Variants in ZNF786 observed in about 807,000 individuals in gnomAD.
The protein encoded by ZNF786 is zinc finger protein 786.
A neutral mutation model predicts 63.1 loss-of-function variants in ZNF786; 56 were observed. The ratio of observed to expected loss-of-function variants is 0.89; its 90% CI spans 0.72 to 1.11. ZNF786 has a LOEUF of 1.11. Ranked by LOEUF, ZNF786 falls within the 50% of genes least tolerant of loss-of-function variation. ZNF786 has a pLI of 0.00. For missense variants in ZNF786, 1,213 were observed against 1,041.8 expected (o/e 1.16, Z -2.26); for synonymous variants, 485 against 406.9 (o/e 1.19, Z -2.31).
chr7:149,078,236 ATTC>A (rs1316778057), intron 2 of ZNF786, among the ~76,000 whole-genome samples: 1 of 152,184 alleles, frequency 6.6e-6, no homozygotes, highest in Non-Finnish European at 1.5e-5. Context: ...TGCTTGGAAC[ATTC>A]TTATTAGGCT....
chr7:149,082,499 C>T (rs1825668244), intron 1 of ZNF786: 2 of 907,212 alleles, frequency 2.2e-6, no homozygotes, highest in South Asian at 1.1e-4. Context: ...CATAAGCATA[C>T]ATCCCACCTT....
intron 2 of ZNF786, among the ~76,000 whole-genome samples, chr7:149,075,459 C>T (rs534933293): frequency 7.9e-5 from 12 of 151,900 alleles, no homozygotes; most frequent in Middle Eastern, 3.4e-3. Context: ...CCCAGGCTAA[C>T]CTCAAACTCC....
chr7:149,081,691 G>A (rs915617681), intron 1 of ZNF786, among the ~76,000 whole-genome samples: 1 of 152,012 alleles, frequency 6.6e-6, no homozygotes, highest in African/African-American at 2.4e-5. Context: ...TTTTGCCAAT[G>A]TGGGGCGGCA....
chr7:149,089,643 T>C (rs1416127470), intron 1 of ZNF786, among the ~76,000 whole-genome samples: 6 of 149,836 alleles, frequency 4.0e-5, no homozygotes, highest in African/African-American at 1.5e-4. Context: ...TAAAATCCAT[T>C]CTTTTACTCA....
At position 149,071,657 on chromosome 7, in the gene ZNF786, G is replaced by A. The variant is rs766540618; in HGVS notation, c.1115C>T (p.Ser372Leu). The change falls in exon 4 of 4, where the codon TCG becomes TTG. Residue 372 changes from serine to leucine, a missense_variant. Ser to Leu is a moderately radical substitution (Grantham distance 145). Coordinates refer to ENST00000491431, the MANE Select transcript of ZNF786 (RefSeq NM_152411.4). Reference sequence around the variant, plus strand: ...CATAGGGGAGCGCTCGCCACACTCCGAGCAGGAGCAGGGCCCCTCTGCGCC... The same window carrying A: ...CATAGGGGAGCGCTCGCCACACTCCAAGCAGGAGCAGGGCCCCTCTGCGCC... ...QHGAEGPCSC[S>L]ECGERSPMSA... 5 of 1,567,764 alleles carry A rather than the reference G, an allele frequency of 3.2e-6. No homozygotes were observed. The highest frequency in any genetic ancestry group is 1.3e-5 in the African/African-American group (1 of 74,112).
At chr7:149,078,127 T>C (rs1420809521) in intron 2 of ZNF786, among the ~76,000 whole-genome samples, 1 of 151,672 alleles carries the variant, frequency 6.6e-6, no homozygotes, top group Non-Finnish European at 1.5e-5. Context: ...CCTCCAAAAG[T>C]GCTGGGATTA....
chr7:149,081,169 G>A (rs1825644172), intron 1 of ZNF786: 2 of 456,178 alleles, frequency 4.4e-6, no homozygotes, highest in African/African-American at 4.0e-5. Context: ...CAGGCGCAGT[G>A]GGTCATGCCT....
chr7:149,083,527 TA>T (rs1825684875), intron 1 of ZNF786, among the ~76,000 whole-genome samples: 3 of 146,806 alleles, frequency 2.0e-5, no homozygotes, highest in African/African-American at 8.3e-5. Flanking sequence ...AGTTTATTTT[TA>T]TTTATTTATT....
At chr7:149,090,511 C>T (rs890153875) in intron 1 of ZNF786, 112 bp downstream of exon 1, 6 of 1,228,042 alleles carry the variant, frequency 4.9e-6, no homozygotes, top group African/African-American at 3.1e-5. Flanking sequence ...CAGACTCCGT[C>T]CTACCCGTGC....
chr7:149,070,245 G>T lies in ZNF786; in HGVS notation c.*178C>A. On this transcript the variant is annotated 3_prime_UTR_variant, in exon 4 of 4. Transcript: ENST00000491431. Reference sequence around the variant, plus strand: ...AAAAAAAAAGAAAGAAATATAATTGGTGATGCTTCTGAAGAGAAAATCCTT... The same window carrying T: ...AAAAAAAAAGAAAGAAATATAATTGTTGATGCTTCTGAAGAGAAAATCCTT... 3 of 756,000 alleles carry T rather than the reference G, an allele frequency of 4.0e-6. No homozygotes were observed. The highest frequency in any genetic ancestry group is 1.7e-5 in the African/African-American group (1 of 57,446). The allele number at this position is 756,000 out of a possible 1,614,324, so 46.8% of individuals were successfully genotyped here. A position where few individuals can be genotyped will look rare whatever the true frequency, so the allele number is the denominator to read the frequency against.
intron 1 of ZNF786, 55 bp downstream of exon 1, chr7:149,090,568 C>A: frequency 1.3e-6 from 2 of 1,530,870 alleles, no homozygotes; most frequent in Non-Finnish European, 1.8e-6. Context: ...AGCCCGGAAC[C>A]CGAGGACCCA....
intron 1 of ZNF786, among the ~76,000 whole-genome samples, chr7:149,083,071 T>C (rs1392249335): frequency 1.3e-5 from 2 of 150,926 alleles, no homozygotes; most frequent in Admixed American, 1.3e-4. Context: ...AATTTTTTTG[T>C]ATTTTTAGTA....
At chr7:149,073,747 G>GTGTGTATGTATA (rs1447329296) in intron 3 of ZNF786, among the ~76,000 whole-genome samples, 1 of 77,602 alleles carries the variant, frequency 1.3e-5, no homozygotes, top group Non-Finnish European at 2.5e-5. Flanking sequence ...GTGTGTGTGT[G>GTGTGTATGTATA]TATATATATA....
At chr7:149,076,335 G>C (rs991377028) in intron 2 of ZNF786, among the ~76,000 whole-genome samples, 9 of 150,756 alleles carry the variant, frequency 6.0e-5, no homozygotes, top group African/African-American at 1.7e-4. Flanking sequence ...GGCTGGTCTC[G>C]ATCTCCCGAC....
At position 149,071,080 on chromosome 7, in the gene ZNF786, C is replaced by T. The variant is rs777617948; in HGVS notation, c.1692G>A (p.Pro564=). 2.2e-5 allele frequency: 35 copies of T among 1,610,804 alleles called. No individual in the cohort carries two copies. In the Middle Eastern group the frequency reaches 1.2e-3, roughly 53 times the overall value. The change falls in exon 4 of 4, where the codon CCG becomes CCA. Residue 564 remains proline (P), a synonymous_variant. Transcript: ENST00000491431. The part of the protein sequence containing the change: ...AHQHTHSKER[P]FSCGECGKGF... The stretch of plus-strand genomic sequence containing the variant: ...CCTTGCCACACTCCCCGCACGAGAA[C>T]GGCCTCTCCTTGCTGTGCGTGTGCT...
chr7:149,090,632 C>T lies in ZNF786; in HGVS notation c.9G>A (p.Glu3=). The T allele has an allele frequency of 1.3e-6, 2 of 1,592,256 alleles. No homozygotes were observed. The highest frequency in any genetic ancestry group is 1.7e-6 in the Non-Finnish European group (2 of 1,168,474). Residue 3 remains glutamate (E), a synonymous_variant, in exon 1 of 4, where the codon GAG becomes GAA. Coordinates refer to ENST00000491431, the MANE Select transcript of ZNF786 (RefSeq NM_152411.4). ...AGGCTAGCCCGCTTACCCGAGGCGG[C>T]TCCGCCATGGTCCCCGCGGTCCCGC... MA[E]PPRLPLTFED...
At chr7:149,080,785 GTTA>G in intron 1 of ZNF786, 68 bp from the exon 2 acceptor site, 1 of 1,519,284 alleles carries the variant, frequency 6.6e-7, no homozygotes, top group Non-Finnish European at 8.8e-7. Context: ...CCTTCTCCTT[GTTA>G]ATTTAAAAGA....
chr7:149,075,522 G>GCC (rs1825528157), intron 2 of ZNF786, among the ~76,000 whole-genome samples: 1 of 152,006 alleles, frequency 6.6e-6, no homozygotes, highest in Non-Finnish European at 1.5e-5. Flanking sequence ...TGCGATTACA[G>GCC]GCATGAGCCA....
intron 1 of ZNF786, among the ~76,000 whole-genome samples, chr7:149,085,104 G>A (rs1825713559): frequency 6.6e-6 from 1 of 152,050 alleles, no homozygotes; most frequent in East Asian, 1.9e-4. Context: ...ATGATTGTAG[G>A]TATGTGGCGT....
Sources: gnomAD v4.1 joint callset for allele counts (sites outside exome capture counted in the v4.1 genomes callset) on GRCh38, gnomAD v4.1.1 for gene constraint, MANE v1.5 for transcripts, NCBI Gene and HGNC (gene_info 2026-07-23, HGNC 2026-07-21) for gene names.